MBIP: variants seen among roughly 807,000 people sequenced by gnomAD.
MBIP encodes the protein MAP3K12-binding inhibitory protein 1.
In MBIP, 32 loss-of-function variants were observed where a neutral mutation model predicts 45.7. The ratio of observed to expected loss-of-function variants is 0.70; its 90% CI spans 0.53 to 0.94. The LOEUF (loss-of-function observed/expected upper bound fraction) is 0.94. MBIP is among the 40% of genes least tolerant of loss of function. MBIP has a pLI of 0.00. For missense variants in MBIP, 381 were observed against 405.5 expected, an observed-to-expected ratio of 0.94 and a Z score of 0.52; for synonymous variants, 145 against 141.0, an observed-to-expected ratio of 1.03 and a Z score of -0.20.
intron 7 of MBIP, among the ~76,000 whole-genome samples, chr14:36,302,424 G>A (rs1460515471): frequency 2.0e-5 from 3 of 150,828 alleles, no homozygotes; most frequent in Non-Finnish European, 3.0e-5. Context: ...CCCGGGAGGC[G>A]GAGGTTGCAG....
Position 36,316,742 on chromosome 14 carries a change from T to G in MBIP, c.200A>C (p.Gln67Pro). ...WNKLQSLSAFQPALLFSALEQ... is the reference protein window; with the variant it reads ...WNKLQSLSAFPPALLFSALEQ... ...AAGTGCACTAAAGAGCAATGCAGGC[T>G]GGAATGCCGAGAGGCTCTGGAGCTT... The change falls in exon 2 of 9, where the codon CAG becomes CCG. Residue 67 changes from glutamine to proline, a missense_variant. Gln to Pro is a moderately conservative substitution (Grantham distance 76, BLOSUM62 -1). Transcript: ENST00000416007. 1 of 1,613,176 alleles carries G rather than the reference T, an allele frequency of 6.2e-7. No homozygotes were observed. The highest frequency in any genetic ancestry group is 8.5e-7 in the Non-Finnish European group (1 of 1,179,360).
chr14:36,303,307 A>T (rs977981576), intron 7 of MBIP, among the ~76,000 whole-genome samples: 5 of 152,156 alleles, frequency 3.3e-5, no homozygotes, highest in African/African-American at 1.2e-4. Context: ...GGTAATGCAA[A>T]ATTGTCTCTC....
At chr14:36,302,417 G>A (rs545175341) in intron 7 of MBIP, among the ~76,000 whole-genome samples, 77 of 148,722 alleles carry the variant, frequency 5.2e-4, no homozygotes, top group Non-Finnish European at 3.3e-4. Flanking sequence ...GCATGAACCC[G>A]GGAGGCGGAG....
At chr14:36,299,266 A>T (rs1372627477) in intron 8 of MBIP, 76 bp from the exon 9 acceptor site, 1 of 929,106 alleles carries the variant, frequency 1.1e-6, no homozygotes, top group African/African-American at 1.7e-5. Context: ...CAAATGAACT[A>T]TAAATATTTA....
intron 1 of MBIP, among the ~76,000 whole-genome samples, chr14:36,319,102 GTT>G (rs899796758): frequency 2.0e-5 from 3 of 151,310 alleles, no homozygotes; most frequent in Non-Finnish European, 4.4e-5. Context: ...TTTCTAATGA[GTT>G]TGAAAAATTC....
intron 4 of MBIP, among the ~76,000 whole-genome samples, chr14:36,312,290 C>T (rs1330461084): frequency 6.6e-6 from 1 of 152,014 alleles, no homozygotes; most frequent in Non-Finnish European, 1.5e-5. Flanking sequence ...CAAATTGATA[C>T]AATTTTGAAA....
intron 6 of MBIP, among the ~76,000 whole-genome samples, chr14:36,311,076 G>A (rs938564361): frequency 6.6e-6 from 1 of 152,154 alleles, no homozygotes; most frequent in Non-Finnish European, 1.5e-5. Context: ...GAAGTGGGCA[G>A]ATTTGAGAGA....
intron 2 of MBIP, 54 bp downstream of exon 2, chr14:36,316,639 C>G: frequency 6.6e-7 from 1 of 1,525,012 alleles, no homozygotes; most frequent in South Asian, 1.2e-5. Flanking sequence ...CTAACTTAAC[C>G]ACAATCAATT....
At chr14:36,314,949 A>C in intron 2 of MBIP, 34 bp from the exon 3 acceptor site, 1 of 1,313,840 alleles carries the variant, frequency 7.6e-7, no homozygotes, top group Non-Finnish European at 1.1e-6. Context: ...GCTGAGGTTC[A>C]ATCTGACCAA....
In MBIP at chr14:36,318,728, C is replaced by T. The variant is rs150638498; in HGVS notation, c.129+1732G>A. On this transcript the variant is annotated intron_variant, in intron 1 of 8. Coordinates refer to ENST00000416007, the MANE Select transcript of MBIP (RefSeq NM_016586.3). ...ATTTTTAACATTCAGTTTTATGTTT[C>T]CTACTGAGGAGATCTAATAATACAA... is the stretch of plus-strand genomic sequence containing the variant. Among the ~76,000 whole-genome samples the T allele has an allele frequency of 4.9e-3, 745 of 151,928 alleles. 6 individuals are homozygous for T. The highest frequency in any genetic ancestry group is 0.017 in the African/African-American group (685 of 41,490).
intron 4 of MBIP, 51 bp downstream of exon 4, chr14:36,314,461 C>T (rs774596246): frequency 4.6e-5 from 46 of 1,000,962 alleles, no homozygotes; most frequent in Non-Finnish European, 6.5e-5. Flanking sequence ...ATTAGAGCAA[C>T]TATAAAAATT....
intron 7 of MBIP, among the ~76,000 whole-genome samples, chr14:36,302,290 A>C (rs1879608470): frequency 6.6e-6 from 1 of 152,128 alleles, no homozygotes; most frequent in Admixed American, 6.5e-5. Context: ...CAGGAGATCA[A>C]GGCCATCCTG....
At chr14:36,310,055 G>GC (rs1215845604) in intron 6 of MBIP, among the ~76,000 whole-genome samples, 2 of 152,178 alleles carry the variant, frequency 1.3e-5, no homozygotes, top group African/African-American at 4.8e-5. Context: ...CTAAAATAGT[G>GC]CTTGGAGCAT....
At chr14:36,299,302 GTTT>G (rs1160154426) in intron 8 of MBIP, 112 bp from the exon 9 acceptor site, 14 of 705,398 alleles carry the variant, frequency 2.0e-5, no homozygotes, top group East Asian at 1.9e-4. Flanking sequence ...TGATCAAATG[GTTT>G]TTTTCCCTCA....
chr14:36,311,816 A>G, intron 5 of MBIP, 91 bp from the exon 6 acceptor site: 1 of 1,277,118 alleles, frequency 7.8e-7, no homozygotes, highest in Non-Finnish European at 1.1e-6. Flanking sequence ...TTTTTTCATA[A>G]AGACCATCTA....
intron 6 of MBIP, among the ~76,000 whole-genome samples, chr14:36,309,421 C>G (rs1880072269): frequency 6.6e-6 from 1 of 152,136 alleles, no homozygotes; most frequent in Non-Finnish European, 1.5e-5. Context: ...ACTGCACAAA[C>G]CTAGGAAGCA....
At chr14:36,311,501 G>T in intron 6 of MBIP, 72 bp downstream of exon 6, 2 of 1,430,446 alleles carry the variant, frequency 1.4e-6, no homozygotes, top group South Asian at 1.3e-5. Flanking sequence ...AAAATTTGGT[G>T]ACTAAATGAA....
intron 6 of MBIP, among the ~76,000 whole-genome samples, chr14:36,310,942 T>C (rs1880161900): frequency 6.6e-6 from 1 of 152,172 alleles, no homozygotes; most frequent in South Asian, 2.1e-4. Flanking sequence ...AAAAGCAATC[T>C]GGCCACAGGG....
intron 2 of MBIP, among the ~76,000 whole-genome samples, chr14:36,316,438 A>C (rs1880571116): frequency 6.6e-6 from 1 of 152,084 alleles, no homozygotes; most frequent in Non-Finnish European, 1.5e-5. Context: ...ACTGTATTGA[A>C]TTTTCAGTGC....
Sources: allele counts gnomAD v4.1 joint callset (sites outside exome capture counted in the v4.1 genomes callset), GRCh38; gene constraint gnomAD v4.1.1; transcripts MANE v1.5; gene names NCBI Gene and HGNC (gene_info 2026-07-23, HGNC 2026-07-21).